Variants in IL22RA1 observed in about 807,000 individuals in gnomAD.
IL22RA1 encodes the protein interleukin 22 receptor subunit alpha 1.
In IL22RA1, 25 loss-of-function variants were observed where a neutral mutation model predicts 32.8. The ratio of observed to expected loss-of-function variants is 0.76; its 90% CI spans 0.55 to 1.06. The LOEUF is 1.06. Among genes scored for constraint, IL22RA1 ranks in the 50% least tolerant of loss-of-function variants. The pLI, the probability that IL22RA1 is intolerant of heterozygous loss-of-function variation, is 0.00. For missense variants in IL22RA1, 709 were observed against 727.4 expected (o/e 0.97, Z 0.29); for synonymous variants, 305 against 305.0 (o/e 1.00, Z 0.00).
intron 5 of IL22RA1, among the ~76,000 whole-genome samples, chr1:24,127,060 C>G (rs2148571263): frequency 6.6e-6 from 1 of 151,956 alleles, no homozygotes; most frequent in Middle Eastern, 3.4e-3. Flanking sequence ...TGGCACACAC[C>G]TGTAATCCCA....
intron 3 of IL22RA1, among the ~76,000 whole-genome samples, chr1:24,135,648 C>A (rs528092673): frequency 5.1e-4 from 78 of 152,200 alleles, no homozygotes; most frequent in African/African-American, 1.7e-3. Context: ...GGGGAGGCCT[C>A]AGGAAACTTA....
At chr1:24,128,346 G>T (rs1029112328) in intron 4 of IL22RA1, 67 bp from the exon 5 acceptor site, 8 of 1,589,476 alleles carry the variant, frequency 5.0e-6, no homozygotes, top group East Asian at 2.3e-5. Flanking sequence ...GCCCAAGGAA[G>T]CTTGCTCGCT....
rs1440569120 is a variant in IL22RA1, at chr1:24,128,284, A to C, written c.532-5T>G. ...TCTCTGCTTCCCTCCAAGGTGCTGA[A>C]TTGGACAGAGAATGGAATGTGATTC... On this transcript the variant is annotated splice_region_variant and splice_polypyrimidine_tract_variant and intron_variant, in intron 4 of 6. Coordinates refer to ENST00000270800, the MANE Select transcript of IL22RA1 (RefSeq NM_021258.4). 1 of 1,613,334 alleles carries C rather than the reference A, an allele frequency of 6.2e-7. No individual in the cohort carries two copies. Among genetic ancestry groups the C allele is most frequent in the Non-Finnish European group, 8.5e-7 (1 of 1,179,714 alleles).
In IL22RA1 at chr1:24,121,196, A is replaced by G; in HGVS notation, c.1334T>C (p.Leu445Pro). ...CAAGGAGGTCACCTCCTGCAGAGAAAGGCCACCTAACATGCAGCTTCCAGC... is the reference window on the plus strand; with the variant it reads ...CAAGGAGGTCACCTCCTGCAGAGAAGGGCCACCTAACATGCAGCTTCCAGC... ...PPAGSCMLGG[L>P]SLQEVTSLAM... Residue 445 changes from leucine (L) to proline (P), a missense_variant, in exon 7 of 7, where the codon CTT becomes CCT. By Grantham distance (98) the Leu-to-Pro change is moderately conservative. Coordinates refer to ENST00000270800, the MANE Select transcript of IL22RA1 (RefSeq NM_021258.4). 6.2e-7 allele frequency: 1 copy of G among 1,614,228 alleles called. No homozygotes were observed. The highest frequency in any genetic ancestry group is 8.5e-7 in the Non-Finnish European group (1 of 1,180,038).
rs145677629 is a variant in IL22RA1, at chr1:24,123,323, C to A, written c.771G>T (p.Pro257=). The change falls in exon 6 of 7, where the codon CCG becomes CCT. Residue 257 remains proline (P), a synonymous_variant. Coordinates refer to ENST00000270800, the MANE Select transcript of IL22RA1 (RefSeq NM_021258.4). ...CYLSYRYVTK[P]PAPPNSLNVQ... is the part of the protein sequence containing the mutation. ...TCACCAGGGAGTTGGGAGGTGCAGG[C>A]GGCTTGGTGACATATCTGTAGCTCA... The A allele has an allele frequency of 1.2e-6, 2 of 1,613,906 alleles. No individual in the cohort carries two copies. The highest frequency in any genetic ancestry group is 1.7e-5 in the Admixed American group (1 of 59,984).
chr1:24,136,914 G>GT (rs1178121384), intron 3 of IL22RA1, among the ~76,000 whole-genome samples: 1 of 151,010 alleles, frequency 6.6e-6, no homozygotes, highest in Admixed American at 6.6e-5. Flanking sequence ...GGAGGTTGGG[G>GT]TGGAGGTGGA....
rs140856434 is a variant in IL22RA1, at chr1:24,125,599, G to T, written c.671-2176C>A. Among the ~76,000 whole-genome samples, 685 of 152,222 alleles carry T rather than the reference G, an allele frequency of 4.5e-3. 4 individuals are homozygous for T. The highest frequency in any genetic ancestry group is 0.02 in the Middle Eastern group (6 of 294). On this transcript the variant is annotated intron_variant, in intron 5 of 6. Coordinates refer to ENST00000270800, the MANE Select transcript of IL22RA1 (RefSeq NM_021258.4). ...GTACAGGGGGCTCACTGTAAACAAA[G>T]TTGCAAAGTGGTGGGTAGAGCCCAG...
chr1:24,135,074 T>C (rs1486766342), intron 3 of IL22RA1: 1 of 152,344 alleles, frequency 6.6e-6, no homozygotes, highest in African/African-American at 2.4e-5. Context: ...GTCAGAACAA[T>C]GTTTACTTCA....
chr1:24,128,156 C>A lies in IL22RA1; in HGVS notation c.655G>T (p.Val219Leu). The A allele has an allele frequency of 6.5e-7, 1 of 1,549,330 alleles. No homozygotes were observed. Among genetic ancestry groups the A allele is most frequent in the Non-Finnish European group, 8.7e-7 (1 of 1,145,960 alleles). Residue 219 changes from valine (V) to leucine (L), a missense_variant, in exon 5 of 7, where the codon GTG becomes TTG. Transcript: ENST00000270800. ...AKESAPYMCRVKTLPDRTWTY... is the reference protein window; with the variant it reads ...AKESAPYMCRLKTLPDRTWTY... ...CCGAACTCACCTGGCAGTGTCTTCACTCGGCACATGTAGGGGGCACTCTCC... is the reference window on the plus strand; with the variant it reads ...CCGAACTCACCTGGCAGTGTCTTCAATCGGCACATGTAGGGGGCACTCTCC...
chr1:24,131,782 AGC>A lies in IL22RA1; in HGVS notation c.531+2427_531+2428del, dbSNP rs536295581. Among the ~76,000 whole-genome samples the A allele has an allele frequency of 4.5e-4, 68 of 152,318 alleles. No individual in the cohort carries two copies. In the Middle Eastern group the frequency reaches 0.01, roughly 23 times the overall value. On this transcript the variant is annotated intron_variant, in intron 4 of 6. Coordinates refer to ENST00000270800, the MANE Select transcript of IL22RA1 (RefSeq NM_021258.4). ...TCACCTTTACCTAATTGATATTTAT[AGC>A]GCACTCCACCAACCAACTGCAAAAT...
intron 4 of IL22RA1, among the ~76,000 whole-genome samples, chr1:24,131,761 CT>C (rs1483359214): frequency 1.3e-5 from 2 of 152,104 alleles, no homozygotes; most frequent in Non-Finnish European, 2.9e-5. Flanking sequence ...AATTAATCAC[CT>C]TTACCTAATT....
At chr1:24,124,479 G>A (rs933212326) in intron 5 of IL22RA1, among the ~76,000 whole-genome samples, 3 of 152,180 alleles carry the variant, frequency 2.0e-5, no homozygotes, top group Non-Finnish European at 4.4e-5. Flanking sequence ...ACCAGTCCAA[G>A]TGGGGCTTGT....
chr1:24,136,120 A>G (rs1027765985), intron 3 of IL22RA1, among the ~76,000 whole-genome samples: 8 of 152,078 alleles, frequency 5.3e-5, no homozygotes, highest in Admixed American at 5.2e-4. Flanking sequence ...ACACCCAGCT[A>G]ATTTTTAAAT....
rs569903098 is a variant in IL22RA1 at position 24,121,208 on chromosome 1, A to T, written c.1322T>A (p.Met441Lys). The T allele has an allele frequency of 4.3e-5, 70 of 1,614,236 alleles. No homozygotes were observed. The Middle Eastern group carries it at 6.6e-4, about 15-fold the overall frequency. ...LQKEPPAGSC[M>K]LGGLSLQEVT... is the part of the protein sequence containing the mutation. ...CTCCTGCAGAGAAAGGCCACCTAAC[A>T]TGCAGCTTCCAGCTGGTGGCTCTTT... is the stretch of plus-strand genomic sequence containing the variant. The change falls in exon 7 of 7, where the codon ATG (methionine) becomes AAG (lysine). Residue 441 changes from methionine to lysine, a missense_variant. By Grantham distance (95) the Met-to-Lys change is moderately conservative. Coordinates refer to ENST00000270800, the MANE Select transcript of IL22RA1 (RefSeq NM_021258.4).
At chr1:24,131,993 A>G (rs1456042046) in intron 4 of IL22RA1, among the ~76,000 whole-genome samples, 1 of 152,180 alleles carries the variant, frequency 6.6e-6, no homozygotes, top group Non-Finnish European at 1.5e-5. Flanking sequence ...TTACCAAAAA[A>G]TAGTTGTGAT....
At chr1:24,128,399 C>T (rs548872112) in intron 4 of IL22RA1, 120 bp from the exon 5 acceptor site, 30 of 1,201,446 alleles carry the variant, frequency 2.5e-5, no homozygotes, top group African/African-American at 1.8e-4. Context: ...TGTCTTCAGC[C>T]TCTGTTTCCA....
At chr1:24,133,946 C>A (rs1210097470) in intron 4 of IL22RA1, among the ~76,000 whole-genome samples, 2 of 151,926 alleles carry the variant, frequency 1.3e-5, no homozygotes, top group Admixed American at 1.3e-4. Context: ...AAAAACAAAA[C>A]AAAACAACAA....
Position 24,134,383 on chromosome 1 carries a change from G to A in IL22RA1, c.359C>T (p.Thr120Ile). 2 of 1,500,774 alleles carry A rather than the reference G, an allele frequency of 1.3e-6. No homozygotes were observed. Among genetic ancestry groups the A allele is most frequent in the Non-Finnish European group, 1.8e-6 (2 of 1,119,944 alleles). 93.0% of individuals were successfully genotyped at this position (1,500,774 alleles called of 1,614,324 possible). The change falls in exon 4 of 7, where the codon ACC becomes ATC. Residue 120 changes from threonine (T) to isoleucine (I), a missense_variant. By Grantham distance (89) the Thr-to-Ile change is moderately conservative. Transcript: ENST00000270800. ...ACAGGTCACATCAGGTGGCTTGAGG[G>A]TAGCTGGGGATAGGGAGAGAGAAAA... ...TDRFSSLQHT[T>I]LKPPDVTCIS...
At chr1:24,137,077 A>G in intron 3 of IL22RA1, 54 bp downstream of exon 3, 1 of 1,559,358 alleles carries the variant, frequency 6.4e-7, no homozygotes, top group East Asian at 2.3e-5. Context: ...CCACCCCGCA[A>G]ACACCTGCGC....
Sources: gnomAD v4.1 joint callset for allele counts (sites outside exome capture counted in the v4.1 genomes callset) on GRCh38, gnomAD v4.1.1 for gene constraint, MANE v1.5 for transcripts, NCBI Gene and HGNC (gene_info 2026-07-23, HGNC 2026-07-21) for gene names.